EPHB2: variants seen among roughly 807,000 people sequenced by gnomAD.
The protein encoded by EPHB2 is ephrin type-B receptor 2.
In EPHB2, 18 loss-of-function variants were observed where a neutral mutation model predicts 96.4. The ratio of observed to expected loss-of-function variants is 0.19; its 90% CI spans 0.13 to 0.28. The LOEUF (loss-of-function observed/expected upper bound fraction) is 0.28, where lower values mean the gene tolerates loss of function less well. Among genes scored for constraint, EPHB2 ranks in the 10% least tolerant of loss-of-function variants. The pLI, the probability that EPHB2 is intolerant of heterozygous loss-of-function variation, is 1.00. For missense variants in EPHB2, 989 were observed against 1,355.4 expected (o/e 0.73, Z 4.25); for synonymous variants, 506 against 534.1 (o/e 0.95, Z 0.72).
chr1:22,892,686 C>A, intron 6 of EPHB2, 198 bp from the exon 7 acceptor site: 2 of 751,578 alleles, frequency 2.7e-6, no homozygotes, highest in Non-Finnish European at 2.4e-6. Context: ...GACATATACT[C>A]TGCCTACCTT....
chr1:22,750,542 C>T (rs997740046), intron 1 of EPHB2, among the ~76,000 whole-genome samples: 3 of 152,292 alleles, frequency 2.0e-5, no homozygotes, highest in East Asian at 1.9e-4. Flanking sequence ...TCCTCCGTGC[C>T]TGCTGATTAC....
intron 1 of EPHB2, among the ~76,000 whole-genome samples, chr1:22,774,869 G>C (rs1339229198): frequency 6.6e-6 from 1 of 152,166 alleles, no homozygotes; most frequent in Non-Finnish European, 1.5e-5. Context: ...TGGGCCCTGG[G>C]AGACATCAGA....
At chr1:22,751,509 C>G (rs1156580410) in intron 1 of EPHB2, among the ~76,000 whole-genome samples, 1 of 152,240 alleles carries the variant, frequency 6.6e-6, no homozygotes, top group Non-Finnish European at 1.5e-5. Context: ...CAAGTCTCAA[C>G]AGAGCCTGAG....
At position 22,721,860 on chromosome 1, in the gene EPHB2, C is replaced by T. The variant is rs189471867; in HGVS notation, c.61+10817C>T. On this transcript the variant is annotated intron_variant, in intron 1 of 15. Coordinates refer to ENST00000374630, the MANE Select transcript of EPHB2 (RefSeq NM_017449.5). Reference sequence around the variant, plus strand: ...TGAACTTGTGAACTCAAGCAGTCCTCCTTCTTCAGCCTCCCAAAGTGCTGG... The same window carrying T: ...TGAACTTGTGAACTCAAGCAGTCCTTCTTCTTCAGCCTCCCAAAGTGCTGG... Among the ~76,000 whole-genome samples, 446 of 152,074 alleles carry T rather than the reference C, an allele frequency of 2.9e-3. 9 individuals carry two copies. Among genetic ancestry groups the T allele is most frequent in the Non-Finnish European group, 1.2e-3 (81 of 68,004 alleles).
At chr1:22,888,893 G>T (rs1639307448) in intron 6 of EPHB2, among the ~76,000 whole-genome samples, 1 of 152,230 alleles carries the variant, frequency 6.6e-6, no homozygotes, top group African/African-American at 2.4e-5. Flanking sequence ...AGTGACTCAT[G>T]TCTGTAATCC....
chr1:22,912,734 C>A, intron 15 of EPHB2, 135 bp downstream of exon 15: 1 of 1,358,792 alleles, frequency 7.4e-7, no homozygotes, highest in Non-Finnish European at 1.0e-6. Flanking sequence ...GGCAAGATGG[C>A]CAACTTTGGA....
intron 3 of EPHB2, among the ~76,000 whole-genome samples, chr1:22,852,815 C>G (rs1402218180): frequency 6.6e-6 from 1 of 152,254 alleles, no homozygotes; most frequent in Non-Finnish European, 1.5e-5. Context: ...AGCATCTGCT[C>G]TGTGCCAGCT....
At chr1:22,788,310 C>T (rs1031927091) in intron 3 of EPHB2, among the ~76,000 whole-genome samples, 3 of 152,232 alleles carry the variant, frequency 2.0e-5, no homozygotes, top group Non-Finnish European at 4.4e-5. Flanking sequence ...CTTCCACTCT[C>T]ATCTTCCCCT....
intron 14 of EPHB2, 73 bp from the exon 15 acceptor site, chr1:22,912,371 C>A: frequency 6.2e-7 from 1 of 1,600,168 alleles, no homozygotes; most frequent in Non-Finnish European, 8.5e-7. Flanking sequence ...CATACGCAGC[C>A]TACAGGCATG....
rs535633557 is a variant in EPHB2 at position 22,765,274 on chromosome 1, C to T, written c.62-16147C>T. Among the ~76,000 whole-genome samples the T allele has an allele frequency of 3.3e-5, 5 of 152,202 alleles. No individual in the cohort carries two copies. In the East Asian group the frequency reaches 9.7e-4, roughly 29 times the overall value. ...AGAAAACCCTGAGTCTAGCCGGGTG[C>T]AGTGGTTGACACCTGTAATCCCAAC... On this transcript the variant is annotated intron_variant, in intron 1 of 15. Transcript: ENST00000374630.
chr1:22,853,028 C>T (rs764205931), intron 3 of EPHB2, among the ~76,000 whole-genome samples: 20 of 152,236 alleles, frequency 1.3e-4, no homozygotes, highest in Non-Finnish European at 2.4e-4. Context: ...CTCCAGTCCA[C>T]ACACAAGTTG....
At chr1:22,862,323 T>C (rs922081948) in intron 3 of EPHB2, among the ~76,000 whole-genome samples, 1 of 152,256 alleles carries the variant, frequency 6.6e-6, no homozygotes, top group Non-Finnish European at 1.5e-5. Context: ...CTTTTATTAA[T>C]ATTTTAATAA....
intron 3 of EPHB2, among the ~76,000 whole-genome samples, chr1:22,844,414 G>C (rs1645512338): frequency 6.6e-6 from 1 of 152,248 alleles, no homozygotes; most frequent in African/African-American, 2.4e-5. Context: ...CAGGGGCAGG[G>C]GCTGGCAGGA....
intron 1 of EPHB2, among the ~76,000 whole-genome samples, chr1:22,761,515 C>A (rs1644235697): frequency 6.6e-6 from 1 of 152,198 alleles, no homozygotes; most frequent in Non-Finnish European, 1.5e-5. Context: ...TCCACACAGA[C>A]CCGGGTCAGC....
In EPHB2 at chr1:22,864,865, C is replaced by G. The variant is rs1413412152; in HGVS notation, c.968-12C>G. ...GAGCCCCCCACTGACCAACACCTCT[C>G]CCCCGCCCCAGCCATCCCCTCCGCG... On this transcript the variant is annotated splice_polypyrimidine_tract_variant and intron_variant, in intron 4 of 15. Coordinates refer to ENST00000374630, the MANE Select transcript of EPHB2 (RefSeq NM_017449.5). The G allele has an allele frequency of 6.3e-7, 1 of 1,586,452 alleles. No individual in the cohort carries two copies. The highest frequency in any genetic ancestry group is 8.6e-7 in the Non-Finnish European group (1 of 1,162,338).
chr1:22,841,125 AAATG>A (rs1206633281), intron 3 of EPHB2, among the ~76,000 whole-genome samples: 1 of 36,830 alleles, frequency 2.7e-5, no homozygotes, highest in African/African-American at 8.4e-5. Context: ...ATGAATAAAC[AAATG>A]AATGAATCTG....
At chr1:22,835,104 C>T (rs1645360601) in intron 3 of EPHB2, among the ~76,000 whole-genome samples, 1 of 152,082 alleles carries the variant, frequency 6.6e-6, no homozygotes, top group Non-Finnish European at 1.5e-5. Flanking sequence ...ATTGGCCGGG[C>T]ACAGTGGCTC....
intron 1 of EPHB2, among the ~76,000 whole-genome samples, chr1:22,752,788 C>G (rs1000239180): frequency 6.6e-5 from 10 of 152,048 alleles, no homozygotes; most frequent in African/African-American, 2.4e-4. Context: ...CACATGCACA[C>G]ACACATATGT....
Position 22,910,581 on chromosome 1 carries a change from G to A in EPHB2, c.2696+6G>A, listed in dbSNP as rs749345478. ...ATGGCGCCCCTCTCCTCTGGGTAAG[G>A]CCCCACCCTGGCCCTGCCCCAGCCA... On this transcript the variant is annotated splice_donor_region_variant and intron_variant, in intron 14 of 15. Transcript: ENST00000374630. 6.2e-7 allele frequency: 1 copy of A among 1,613,960 alleles called. No individual in the cohort carries two copies. The highest frequency in any genetic ancestry group is 1.7e-5 in the Admixed American group (1 of 60,004).
Sources: gnomAD v4.1 joint callset for allele counts (sites outside exome capture counted in the v4.1 genomes callset) on GRCh38, gnomAD v4.1.1 for gene constraint, MANE v1.5 for transcripts, NCBI Gene and HGNC (gene_info 2026-07-23, HGNC 2026-07-21) for gene names.